TENM2: variants seen among roughly 807,000 people sequenced by gnomAD.
TENM2 encodes the protein teneurin-2.
TENM2 carries 52 observed loss-of-function variants against 245.2 expected under a neutral mutation model. The observed-to-expected ratio is 0.21, with a 90% confidence interval of 0.17 to 0.27. The LOEUF (loss-of-function observed/expected upper bound fraction) is 0.27, where lower values mean the gene tolerates loss of function less well. Among genes scored for constraint, TENM2 ranks in the 10% least tolerant of loss-of-function variants. The pLI is 1.00. For synonymous variants in TENM2, 1,363 were observed against 1,438.9 expected (o/e 0.95, Z 1.19); for missense variants, 3,046 against 3,666.8 (o/e 0.83, Z 4.37).
chr5:167,239,158 C>T, the TENM2 span, among the ~76,000 whole-genome samples: 2 of 152,166 alleles, frequency 1.3e-5, no homozygotes, highest in Non-Finnish European at 2.9e-5. Flanking sequence ...AGTGCCTTGT[C>T]ATGTTCATTT....
chr5:167,028,097 G>A, the TENM2 span, among the ~76,000 whole-genome samples: 2 of 146,838 alleles, frequency 1.4e-5, no homozygotes, highest in African/African-American at 2.5e-5. Flanking sequence ...AAAAAGTTAC[G>A]TAGGTGGGAT....
chr5:167,007,464 T>C, the TENM2 span, among the ~76,000 whole-genome samples: 5 of 152,236 alleles, frequency 3.3e-5, no homozygotes, highest in Non-Finnish European at 7.3e-5. The surrounding 1 kb of genome is among the most constrained non-coding windows in gnomAD (Gnocchi z 4.2). Flanking sequence ...CAAGCAAAAG[T>C]ACAAAAGTAT....
intron 2 of TENM2, among the ~76,000 whole-genome samples, chr5:167,534,680 T>C (rs779441677): frequency 2.0e-5 from 3 of 152,114 alleles, no homozygotes; most frequent in Non-Finnish European, 4.4e-5. Flanking sequence ...ATTCTTAGGA[T>C]AATTAATTTG....
chr5:168,162,892 A>T lies in TENM2; in HGVS notation c.2569+135A>T, dbSNP rs1757877447. ...TGTTGTAACATTTTCTTTGAAGCAAATGCAGCAGAGAACAGGTGTCCTTAT... is the reference window on the plus strand; with the variant it reads ...TGTTGTAACATTTTCTTTGAAGCAATTGCAGCAGAGAACAGGTGTCCTTAT... On this transcript the variant is annotated intron_variant, in intron 13 of 28. Coordinates refer to ENST00000518659, the Ensembl canonical transcript of TENM2. 7 of 1,110,960 alleles carry T rather than the reference A, an allele frequency of 6.3e-6. No individual in the cohort carries two copies. The South Asian group carries it at 9.1e-5, about 14-fold the overall frequency. The allele number at this position is 1,110,960 out of a possible 1,614,324, so 68.8% of individuals were successfully genotyped here. A position where few individuals can be genotyped will look rare whatever the true frequency, so the allele number is the denominator to read the frequency against.
At chr5:167,035,849 T>G in the TENM2 span, among the ~76,000 whole-genome samples, 1 of 152,134 alleles carries the variant, frequency 6.6e-6, no homozygotes, top group African/African-American at 2.4e-5. Context: ...TTCAAGCGAG[T>G]CTCGTGCCTC....
chr5:167,221,588 C>A, the TENM2 span, among the ~76,000 whole-genome samples: 1 of 152,132 alleles, frequency 6.6e-6, no homozygotes, highest in Non-Finnish European at 1.5e-5. Context: ...CAAATACCTG[C>A]AAGTAGCAAG....
At chr5:167,736,686 GAAA>G (rs57992345) in intron 2 of TENM2, among the ~76,000 whole-genome samples, 1 of 127,558 alleles carries the variant, frequency 7.8e-6, no homozygotes. Context: ...CCTGGCTCAG[GAAA>G]AAAAAAAAAA....
chr5:167,215,727 C>A, the TENM2 span, among the ~76,000 whole-genome samples: 1 of 152,188 alleles, frequency 6.6e-6, no homozygotes, highest in South Asian at 2.1e-4. Flanking sequence ...GATCATGCAA[C>A]CTGTGGTTGA....
intron 3 of TENM2, among the ~76,000 whole-genome samples, chr5:167,897,886 A>C (rs1193338994): frequency 3.6e-5 from 5 of 140,534 alleles, no homozygotes; most frequent in Non-Finnish European, 7.5e-5. Context: ...ATCCGTAGTA[A>C]ATTGTTTTTT....
the TENM2 span, among the ~76,000 whole-genome samples, chr5:167,056,178 C>A: frequency 6.6e-6 from 1 of 151,670 alleles, no homozygotes; most frequent in Non-Finnish European, 1.5e-5. Flanking sequence ...AGTGATTTTT[C>A]TTGTTTAAGC....
the TENM2 span, among the ~76,000 whole-genome samples, chr5:167,190,794 G>A: frequency 4.6e-5 from 7 of 151,996 alleles, no homozygotes; most frequent in Non-Finnish European, 8.8e-5. Flanking sequence ...CAATCGGGAC[G>A]TACTCCTTGT....
At chr5:167,043,628 A>T in the TENM2 span, among the ~76,000 whole-genome samples, 1 of 152,192 alleles carries the variant, frequency 6.6e-6, no homozygotes, top group East Asian at 1.9e-4. Flanking sequence ...TGGTGGACGA[A>T]TTTTACATAG....
In TENM2 at chr5:167,915,441, G is replaced by A. The variant is rs73803275; in HGVS notation, c.713-37147G>A. On this transcript the variant is annotated intron_variant, in intron 3 of 28. Transcript: ENST00000518659. ...GGAAGTGTCTTTTCCCCTCCTGTTCGCTAAAATTTGCTCCATATTGAATTG... is the reference window on the plus strand; with the variant it reads ...GGAAGTGTCTTTTCCCCTCCTGTTCACTAAAATTTGCTCCATATTGAATTG... 2.2e-3 allele frequency among the ~76,000 whole-genome samples: 338 copies of A among 152,184 alleles called. 3 individuals carry two copies. Among genetic ancestry groups the A allele is most frequent in the African/African-American group, 7.3e-3 (305 of 41,524 alleles).
intron 12 of TENM2, among the ~76,000 whole-genome samples, chr5:168,158,619 C>G (rs1008904386): frequency 4.6e-5 from 7 of 151,222 alleles, no homozygotes; most frequent in African/African-American, 1.7e-4. Flanking sequence ...CCTCTACCCA[C>G]AAGATGCCAA....
intron 2 of TENM2, among the ~76,000 whole-genome samples, chr5:167,842,546 G>A (rs1769630364): frequency 8.0e-6 from 1 of 125,730 alleles, no homozygotes; most frequent in Non-Finnish European, 1.6e-5. Flanking sequence ...CCGAGATCAT[G>A]CCATTGAACT....
intron 2 of TENM2, among the ~76,000 whole-genome samples, chr5:167,477,727 C>T (rs1767485342): frequency 6.6e-6 from 1 of 152,100 alleles, no homozygotes; most frequent in South Asian, 2.1e-4. Flanking sequence ...TTTTTAATAT[C>T]ACTTTTTCTT....
the TENM2 span, among the ~76,000 whole-genome samples, chr5:167,086,161 A>C: frequency 1.4e-4 from 22 of 152,122 alleles, no homozygotes; most frequent in Admixed American, 4.6e-4. Context: ...GACCACCCTC[A>C]AACAATCCTG....
At chr5:167,358,522 T>C (rs940299127) in intron 1 of TENM2, among the ~76,000 whole-genome samples, 3 of 151,890 alleles carry the variant, frequency 2.0e-5, no homozygotes, top group African/African-American at 7.3e-5. Context: ...ATGGTCCCTC[T>C]TTCCATACTC....
chr5:167,706,697 A>G lies in TENM2; in HGVS notation c.503-169289A>G, dbSNP rs1211567433. Among the ~76,000 whole-genome samples the G allele has an allele frequency of 2.0e-5, 3 of 152,022 alleles. No homozygotes were observed. In the East Asian group the frequency reaches 5.8e-4, roughly 29 times the overall value. ...ACTGTTTTCCATAATGGCTGAACCAATTTATATTCCCATCAATAGTGTTAA... is the reference window on the plus strand; with the variant it reads ...ACTGTTTTCCATAATGGCTGAACCAGTTTATATTCCCATCAATAGTGTTAA... On this transcript the variant is annotated intron_variant, in intron 2 of 28. Transcript: ENST00000518659.
Sources: gnomAD v4.1 joint callset for allele counts (sites outside exome capture counted in the v4.1 genomes callset) on GRCh38, gnomAD v4.1.1 for gene constraint, Gnocchi (gnomAD v3.1) non-coding constraint, MANE v1.5 for transcripts, NCBI Gene and HGNC (gene_info 2026-07-23, HGNC 2026-07-21) for gene names.